Variants in REV1 observed in about 807,000 individuals in gnomAD.
REV1 encodes the protein REV1 DNA directed polymerase.
In REV1, 42 loss-of-function variants were observed where a neutral mutation model predicts 137.4. The observed-to-expected ratio is 0.31, with a 90% CI of 0.24 to 0.40. The LOEUF is 0.40. REV1 is among the 10% of genes least tolerant of loss of function. The pLI is 1.00. For missense variants in REV1, 1,282 were observed against 1,490.1 expected, an observed-to-expected ratio of 0.86 and a Z score of 2.30; for synonymous variants, 524 against 519.2, an observed-to-expected ratio of 1.01 and a Z score of -0.12.
chr2:99,477,708 G>A (rs1043536371), intron 1 of REV1, among the ~76,000 whole-genome samples: 1 of 152,152 alleles, frequency 6.6e-6, no homozygotes, highest in Admixed American at 6.5e-5. Flanking sequence ...GTCCCAGTTT[G>A]AGGCTGATCT....
chr2:99,403,828 ACGAGGTCAAAGT>A lies in REV1; in HGVS notation c.3046-25_3046-14del. On this transcript the variant is annotated splice_polypyrimidine_tract_variant and intron_variant, in intron 18 of 22. Transcript: ENST00000258428. ...CCTCAGGGTCCACCTAGTGGAAAAG[ACGAGGTCAAAGT>A]CAAACCTGAGCTAATTGTAGATGGT... 1.2e-6 allele frequency: 2 copies of A among 1,613,692 alleles called. No homozygotes were observed. Among genetic ancestry groups the A allele is most frequent in the Non-Finnish European group, 1.7e-6 (2 of 1,179,820 alleles).
chr2:99,421,699 T>C (rs759229633), intron 10 of REV1, 46 bp from the exon 11 acceptor site: 4 of 1,583,202 alleles, frequency 2.5e-6, no homozygotes, highest in Non-Finnish European at 3.4e-6. Flanking sequence ...ACAGCCACCA[T>C]CTGGTAGACC....
At chr2:99,439,921 G>A (rs1681261605) in intron 5 of REV1, among the ~76,000 whole-genome samples, 1 of 152,122 alleles carries the variant, frequency 6.6e-6, no homozygotes, top group Non-Finnish European at 1.5e-5. Flanking sequence ...GAAAAAAACT[G>A]ACTATATTGA....
At chr2:99,472,264 G>A (rs534525513) in intron 1 of REV1, among the ~76,000 whole-genome samples, 1 of 152,324 alleles carries the variant, frequency 6.6e-6, no homozygotes, top group South Asian at 2.1e-4. Flanking sequence ...CAACTTGCAT[G>A]AACCTTGAAG....
At chr2:99,428,550 C>T (rs571437471) in intron 9 of REV1, among the ~76,000 whole-genome samples, 6 of 152,030 alleles carry the variant, frequency 3.9e-5, no homozygotes, top group Admixed American at 2.0e-4. Flanking sequence ...TAAGCATGCA[C>T]GTTTGAACTT....
chr2:99,461,202 C>T (rs1028894658), intron 3 of REV1, among the ~76,000 whole-genome samples: 1 of 152,144 alleles, frequency 6.6e-6, no homozygotes, highest in Non-Finnish European at 1.5e-5. Context: ...TCAATGATGC[C>T]TAATAAAACA....
chr2:99,408,266 A>T (rs1307374481), intron 14 of REV1, 135 bp from the exon 15 acceptor site: 3 of 444,646 alleles, frequency 6.7e-6, no homozygotes, highest in Non-Finnish European at 1.2e-5. Flanking sequence ...AGTGAATGCC[A>T]TAGTCTCCCT....
intron 1 of REV1, among the ~76,000 whole-genome samples, chr2:99,477,315 C>T (rs1348375914): frequency 6.6e-6 from 1 of 152,140 alleles, no homozygotes; most frequent in Non-Finnish European, 1.5e-5. Context: ...CTAAAGAAAG[C>T]TGTTTACTTC....
intron 3 of REV1, among the ~76,000 whole-genome samples, chr2:99,454,663 T>A (rs759787685): frequency 3.3e-5 from 5 of 150,794 alleles, no homozygotes; most frequent in Non-Finnish European, 7.4e-5. Flanking sequence ...GAAGATCCGT[T>A]GAGCTCAGGA....
chr2:99,412,802 T>G lies in REV1; in HGVS notation c.2101A>C (p.Arg701=). The change falls in exon 13 of 23, where the codon AGA becomes CGA. Residue 701 remains arginine, a synonymous_variant. Coordinates refer to ENST00000258428, the MANE Select transcript of REV1 (RefSeq NM_016316.4). ...CTTTCCTTTTCAGTTCGAACTGGTC[T>G]ATCATCCAAGCCACGGCAGAACCTA... ...LYRFCRGLDD[R]PVRTEKERKS... 1.2e-6 allele frequency: 2 copies of G among 1,614,168 alleles called. No homozygotes were observed. Among genetic ancestry groups the G allele is most frequent in the Non-Finnish European group, 1.7e-6 (2 of 1,180,012 alleles).
intron 1 of REV1, among the ~76,000 whole-genome samples, chr2:99,469,893 G>C (rs567583868): frequency 6.6e-6 from 1 of 151,982 alleles, no homozygotes; most frequent in African/African-American, 2.4e-5. Flanking sequence ...GGGCCGAGGC[G>C]GGCAGATCAC....
intron 1 of REV1, among the ~76,000 whole-genome samples, chr2:99,477,354 C>T (rs766715261): frequency 6.6e-6 from 1 of 152,056 alleles, no homozygotes; most frequent in Non-Finnish European, 1.5e-5. Flanking sequence ...GTGAGGTAAC[C>T]CAGCTTCAAC....
At chr2:99,484,287 C>T (rs978655634) in intron 1 of REV1, among the ~76,000 whole-genome samples, 1 of 152,020 alleles carries the variant, frequency 6.6e-6, no homozygotes, top group Non-Finnish European at 1.5e-5. Flanking sequence ...AGGCTTAATA[C>T]CTGAGTGATG....
At chr2:99,465,170 T>TA (rs1334170613) in intron 1 of REV1, among the ~76,000 whole-genome samples, 185 bp from the exon 2 acceptor site, 1 of 148,074 alleles carries the variant, frequency 6.8e-6, no homozygotes, top group African/African-American at 2.6e-5. Context: ...AATTTGTCTA[T>TA]AAAACACCCT....
At chr2:99,467,491 G>A (rs1684934544) in intron 1 of REV1, among the ~76,000 whole-genome samples, 2 of 152,096 alleles carry the variant, frequency 1.3e-5, no homozygotes. Context: ...AATCTTCAGA[G>A]ATCTGCCACC....
intron 2 of REV1, 187 bp from the exon 3 acceptor site, chr2:99,462,809 C>A: frequency 1.8e-6 from 1 of 542,066 alleles, no homozygotes; most frequent in Non-Finnish European, 3.1e-6. Context: ...AAAGTTGGGC[C>A]GGGCGCAGTG....
At chr2:99,441,095 T>C (rs1349886453) in intron 5 of REV1, among the ~76,000 whole-genome samples, 1 of 151,518 alleles carries the variant, frequency 6.6e-6, no homozygotes, top group Non-Finnish European at 1.5e-5. Flanking sequence ...CTTTTATTAA[T>C]GTGGGTAAGA....
In REV1 at chr2:99,462,749, T is replaced by C. The variant is rs545606454; in HGVS notation, c.55-127A>G. 6 of 943,440 alleles carry C rather than the reference T, an allele frequency of 6.4e-6. No homozygotes were observed. The East Asian group carries it at 1.1e-4, about 17-fold the overall frequency. The allele number at this position is 943,440 out of a possible 1,614,324, so 58.4% of individuals were successfully genotyped here. A position where few individuals can be genotyped will look rare whatever the true frequency, so the allele number is the denominator to read the frequency against. On this transcript the variant is annotated intron_variant, in intron 2 of 22. Coordinates refer to ENST00000258428, the MANE Select transcript of REV1 (RefSeq NM_016316.4). The stretch of plus-strand genomic sequence containing the variant: ...TTCTGTGCTAGTGACCAGAACATAA[T>C]GATGACCTCATAAACATAAACCATA...
chr2:99,465,102 G>GTCAAC (rs1436828596), intron 1 of REV1, 117 bp from the exon 2 acceptor site: 1 of 921,676 alleles, frequency 1.1e-6, no homozygotes, highest in Non-Finnish European at 1.7e-6. Flanking sequence ...ACTGATGAAA[G>GTCAAC]TATACAATAT....
Sources: gnomAD v4.1 joint callset for allele counts (sites outside exome capture counted in the v4.1 genomes callset) on GRCh38, gnomAD v4.1.1 for gene constraint, MANE v1.5 for transcripts, NCBI Gene and HGNC (gene_info 2026-07-23, HGNC 2026-07-21) for gene names.